Variants in IL10RB observed in about 807,000 individuals in gnomAD.
The protein encoded by IL10RB is interleukin 10 receptor subunit beta, also known as interleukin-10 receptor subunit beta.
In IL10RB, 30 loss-of-function variants were observed where a neutral mutation model predicts 38.7. The observed-to-expected ratio is 0.78, with a 90% CI of 0.58 to 1.05. IL10RB has a LOEUF of 1.05. Among genes scored for constraint, IL10RB ranks in the 50% least tolerant of loss-of-function variants. The pLI, the probability that IL10RB is intolerant of heterozygous loss-of-function variation, is 0.00. For missense variants in IL10RB, 328 were observed against 397.1 expected (o/e 0.83, Z 1.48); for synonymous variants, 142 against 145.9 (o/e 0.97, Z 0.19).
chr21:33,279,686 A>C, intron 3 of IL10RB, 66 bp from the exon 4 acceptor site: 1 of 1,404,248 alleles, frequency 7.1e-7, no homozygotes, highest in Non-Finnish European at 1.0e-6. Context: ...CATGGTTATG[A>C]AAAATTAATG....
At chr21:33,275,606 A>G (rs1989156567) in intron 2 of IL10RB, among the ~76,000 whole-genome samples, 1 of 152,190 alleles carries the variant, frequency 6.6e-6, no homozygotes, top group South Asian at 2.1e-4. Context: ...CATATTTTCA[A>G]TAAGGCTGTT....
At chr21:33,307,331 A>G (rs2083001232) in intron 1 of IL10RB, among the ~76,000 whole-genome samples, 2 of 152,236 alleles carry the variant, frequency 1.3e-5, no homozygotes, top group African/African-American at 4.8e-5. Context: ...AGTACAGGCT[A>G]TGACGCACAT....
downstream of IL10RB, among the ~76,000 whole-genome samples, chr21:33,300,024 T>C (rs1211816897): frequency 6.6e-6 from 1 of 152,228 alleles, no homozygotes; most frequent in African/African-American, 2.4e-5. Flanking sequence ...ACTTCAGCCT[T>C]CTCGGCTGCT....
chr21:33,284,977 G>A lies in IL10RB; in HGVS notation c.646+1736G>A, dbSNP rs534417771. Among the ~76,000 whole-genome samples the A allele has an allele frequency of 4.6e-5, 7 of 152,184 alleles. No homozygotes were observed. In the South Asian group the frequency reaches 1.0e-3, roughly 23 times the overall value. ...GTGGCTCGATCTTGGCACAACCTCC[G>A]CCTCCTGGGTTCAAGCAATTCTACT... On this transcript the variant is annotated intron_variant, in intron 5 of 6. Transcript: ENST00000290200.
chr21:33,287,875 C>T (rs1389423550), intron 5 of IL10RB, among the ~76,000 whole-genome samples: 1 of 152,272 alleles, frequency 6.6e-6, no homozygotes, highest in East Asian at 1.9e-4. Context: ...GCTTGTTATT[C>T]TTTTGATGTA....
In IL10RB at chr21:33,307,118, G is replaced by T. The variant is rs2083000804; in HGVS notation, c.130-1858G>T. ...TCTGCACCCCTTCTCTCCTCATTCT[G>T]CAGGGGCTCAGCCTACTTGCTGTGC... On this transcript the variant is annotated intron_variant, in intron 1 of 1. Coordinates refer to the IL10RB transcript ENST00000609556. Among the ~76,000 whole-genome samples the T allele has an allele frequency of 2.0e-5, 3 of 152,096 alleles. No individual in the cohort carries two copies. In the South Asian group the frequency reaches 6.2e-4, roughly 32 times the overall value.
At position 33,270,022 on chromosome 21, in the gene IL10RB, G is replaced by A. The variant is rs575697389; in HGVS notation, c.173+1505G>A. ...TTCCTCTCTCTCTCTCATGCCCTTT[G>A]TGCTGTAATATTTCACTGTGTATTT... On this transcript the variant is annotated intron_variant, in intron 2 of 6. Coordinates refer to ENST00000290200, the MANE Select transcript of IL10RB (RefSeq NM_000628.5). 5.9e-5 allele frequency among the ~76,000 whole-genome samples: 9 copies of A among 152,154 alleles called. No homozygotes were observed. In the South Asian group the frequency reaches 1.9e-3, roughly 32 times the overall value.
chr21:33,283,044 G>T, intron 4 of IL10RB, 50 bp from the exon 5 acceptor site: 1 of 1,427,536 alleles, frequency 7.0e-7, no homozygotes, highest in Non-Finnish European at 9.9e-7. Flanking sequence ...AAAAAAAGGT[G>T]GTGCCCTTCC....
rs1989177188 is a variant in IL10RB, at chr21:33,276,663, A to G, written c.241A>G (p.Lys81Glu). ...LTECDFSSLSKYGDHTLRVRA... is the reference protein window; with the variant it reads ...LTECDFSSLSEYGDHTLRVRA... ...GGAATGTGATTTCTCAAGTCTTTCC[A>G]AGTATGGTGACCACACCTTGAGAGT... The change falls in exon 3 of 7, where the codon AAG becomes GAG. Residue 81 changes from lysine to glutamate, a missense_variant. By Grantham distance (56) the Lys-to-Glu change is moderately conservative. Transcript: ENST00000290200. The G allele has an allele frequency of 5.0e-6, 8 of 1,612,638 alleles. No homozygotes were observed. In the South Asian group the frequency reaches 8.8e-5, roughly 18 times the overall value.
chr21:33,275,848 A>G (rs748546586), intron 2 of IL10RB, among the ~76,000 whole-genome samples: 32 of 152,248 alleles, frequency 2.1e-4, no homozygotes, highest in Non-Finnish European at 4.0e-4. Flanking sequence ...AACACTCACA[A>G]CATCTATTGA....
chr21:33,282,969 C>T (rs2044470846), intron 4 of IL10RB, 125 bp from the exon 5 acceptor site: 1 of 788,342 alleles, frequency 1.3e-6, no homozygotes, highest in Admixed American at 2.0e-5. Context: ...CTGAGAGGAG[C>T]ACCTGCTACC....
downstream of IL10RB, among the ~76,000 whole-genome samples, chr21:33,298,593 G>T (rs8178575): frequency 0.055 from 8,413 of 152,206 alleles, 813 homozygotes; most frequent in African/African-American, 0.19. Flanking sequence ...CAGCCTGGGT[G>T]ACAGAGCGAG....
chr21:33,266,412 C>T lies in IL10RB; in HGVS notation c.-54C>T, dbSNP rs1988941106. 1.2e-5 allele frequency: 18 copies of T among 1,526,096 alleles called. No individual in the cohort carries two copies. Among genetic ancestry groups the T allele is most frequent in the Non-Finnish European group, 1.6e-5 (18 of 1,138,322 alleles). 94.5% of individuals were successfully genotyped at this position (1,526,096 alleles called of 1,614,324 possible). A position where few individuals can be genotyped will look rare whatever the true frequency, so the allele number is the denominator to read the frequency against. On this transcript the variant is annotated 5_prime_UTR_variant, in exon 1 of 7. Coordinates refer to ENST00000290200, the MANE Select transcript of IL10RB (RefSeq NM_000628.5). Reference sequence around the variant, plus strand: ...GCCGCCGCGGACAAGCTCTCCCGGGCGCGGGCGGGGGTCGTGTGCTTGGAG... The same window carrying T: ...GCCGCCGCGGACAAGCTCTCCCGGGTGCGGGCGGGGGTCGTGTGCTTGGAG...
rs1006375682 is a variant in IL10RB, at chr21:33,268,168, C to G, written c.50-226C>G. The G allele has an allele frequency of 2.1e-6, 3 of 1,400,428 alleles. No individual in the cohort carries two copies. In the East Asian group the frequency reaches 8.0e-5, roughly 37 times the overall value. The allele number at this position is 1,400,428 out of a possible 1,614,324, so 86.8% of individuals were successfully genotyped here. The stretch of plus-strand genomic sequence containing the variant: ...CTGCCACCAGACAAATCCAAGGCTC[C>G]TTTGTCTGTCCCCATTTTACTCCTG... On this transcript the variant is annotated intron_variant, in intron 1 of 6. Coordinates refer to ENST00000290200, the MANE Select transcript of IL10RB (RefSeq NM_000628.5).
At chr21:33,306,437 TGAAA>T (rs2082999042) in intron 1 of IL10RB, among the ~76,000 whole-genome samples, 1 of 152,252 alleles carries the variant, frequency 6.6e-6, no homozygotes, top group Non-Finnish European at 1.5e-5. Context: ...ATTTTTAGTT[TGAAA>T]GAGTTTAATT....
intron 6 of IL10RB, chr21:33,294,160 G>A (rs1033314027): frequency 9.4e-6 from 4 of 427,782 alleles, no homozygotes; most frequent in East Asian, 7.3e-5. Context: ...TGGGAGTGGA[G>A]GGTGCTGGAG....
intron 4 of IL10RB, among the ~76,000 whole-genome samples, chr21:33,281,379 C>T (rs1055133289): frequency 6.6e-6 from 1 of 152,200 alleles, no homozygotes; most frequent in African/African-American, 2.4e-5. Flanking sequence ...TCAGGTGCCT[C>T]CTGAGGCAAG....
At chr21:33,293,096 G>GCC (rs751830727) in intron 6 of IL10RB, among the ~76,000 whole-genome samples, 1 of 152,208 alleles carries the variant, frequency 6.6e-6, no homozygotes, top group Non-Finnish European at 1.5e-5. Flanking sequence ...GTCCTGGCAT[G>GCC]CCCCACTGCA....
At chr21:33,289,409 A>G (rs1057484275) in intron 6 of IL10RB, among the ~76,000 whole-genome samples, 1 of 147,868 alleles carries the variant, frequency 6.8e-6, no homozygotes, top group Non-Finnish European at 1.5e-5. Context: ...CGGGACCACA[A>G]AGGAATGCTT....
Sources: allele counts gnomAD v4.1 joint callset (sites outside exome capture counted in the v4.1 genomes callset), GRCh38; gene constraint gnomAD v4.1.1; transcripts MANE v1.5; gene names NCBI Gene and HGNC (gene_info 2026-07-23, HGNC 2026-07-21).